The following FAM174A variants were observed in gnomAD, a reference collection of about 807,000 sequenced individuals.
FAM174A encodes the protein membrane protein FAM174A.
FAM174A carries 14 observed loss-of-function variants against 14.3 expected under a neutral mutation model. That is an observed-to-expected ratio of 0.98 (90% CI 0.65 to 1.53). The LOEUF (loss-of-function observed/expected upper bound fraction) is 1.53. Ranked by LOEUF, FAM174A falls within the 40% of genes most tolerant of loss-of-function variation. The pLI, the probability that FAM174A is intolerant of heterozygous loss-of-function variation, is 0.00. For missense variants in FAM174A, 241 were observed against 249.6 expected, an observed-to-expected ratio of 0.97 and a Z score of 0.23; for synonymous variants, 108 against 111.4, an observed-to-expected ratio of 0.97 and a Z score of 0.19.
At chr5:100,564,230 GTCTT>G (rs1330039084) in intron 2 of FAM174A, among the ~76,000 whole-genome samples, 1 of 151,744 alleles carries the variant, frequency 6.6e-6, no homozygotes, top group East Asian at 1.9e-4. Flanking sequence ...TCTCAGGTAT[GTCTT>G]TATAGCAATG....
intron 1 of FAM174A, among the ~76,000 whole-genome samples, chr5:100,555,381 A>G (rs761534446): frequency 6.6e-6 from 1 of 152,192 alleles, no homozygotes; most frequent in African/African-American, 2.4e-5. Flanking sequence ...TAGTGTCGCA[A>G]TAAACATACG....
chr5:100,571,864 C>A (rs910687402), intron 2 of FAM174A, among the ~76,000 whole-genome samples: 1 of 151,718 alleles, frequency 6.6e-6, no homozygotes, highest in Non-Finnish European at 1.5e-5. Context: ...ATTTTTACAG[C>A]AAAGTCTCTG....
chr5:100,538,553 C>T (rs1429935552), intron 1 of FAM174A, among the ~76,000 whole-genome samples: 1 of 151,718 alleles, frequency 6.6e-6, no homozygotes, highest in Non-Finnish European at 1.5e-5. Context: ...GCAAGGAACA[C>T]GGTAGGGACA....
intron 2 of FAM174A, among the ~76,000 whole-genome samples, chr5:100,579,474 G>T (rs1042577912): frequency 2.0e-5 from 3 of 151,918 alleles, no homozygotes; most frequent in Admixed American, 2.0e-4. Flanking sequence ...ACCCAGGCTG[G>T]AGTGCGATGG....
chr5:100,545,965 G>T (rs1263117186), intron 1 of FAM174A, among the ~76,000 whole-genome samples: 2 of 152,110 alleles, frequency 1.3e-5, no homozygotes, highest in Non-Finnish European at 2.9e-5. Flanking sequence ...TTTGATAAGT[G>T]TTATTTCAGC....
chr5:100,572,767 A>G (rs1191817756), intron 2 of FAM174A, among the ~76,000 whole-genome samples: 2 of 152,202 alleles, frequency 1.3e-5, no homozygotes, highest in Non-Finnish European at 2.9e-5. Context: ...GTATATACCC[A>G]GTAATGGGAT....
intron 1 of FAM174A, among the ~76,000 whole-genome samples, chr5:100,537,492 A>G (rs1745964564): frequency 1.3e-5 from 2 of 152,198 alleles, no homozygotes; most frequent in African/African-American, 2.4e-5. Context: ...TGATATGTGT[A>G]ATTCACATAA....
At chr5:100,570,996 C>A (rs1457210129) in intron 2 of FAM174A, among the ~76,000 whole-genome samples, 1 of 151,614 alleles carries the variant, frequency 6.6e-6, no homozygotes, top group Non-Finnish European at 1.5e-5. Context: ...TTAATTGATT[C>A]TTGAATGTTA....
At chr5:100,576,578 A>G (rs926236878) in intron 2 of FAM174A, among the ~76,000 whole-genome samples, 1 of 152,152 alleles carries the variant, frequency 6.6e-6, no homozygotes, top group Admixed American at 6.6e-5. Flanking sequence ...TCATAAACTA[A>G]GACATGGGGA....
At chr5:100,581,370 G>A (rs1747012398) in intron 2 of FAM174A, 2 of 985,294 alleles carry the variant, frequency 2.0e-6, no homozygotes, top group Middle Eastern at 5.2e-4. Context: ...TCCTGAGAAA[G>A]AGCAACTGAG....
intron 2 of FAM174A, among the ~76,000 whole-genome samples, chr5:100,574,110 C>T (rs1396277060): frequency 1.3e-5 from 2 of 152,156 alleles, no homozygotes; most frequent in African/African-American, 4.8e-5. Flanking sequence ...TATATGTGAG[C>T]ACAATGTACC....
At chr5:100,579,847 T>C (rs1278685927) in intron 2 of FAM174A, among the ~76,000 whole-genome samples, 1 of 152,224 alleles carries the variant, frequency 6.6e-6, no homozygotes, top group Non-Finnish European at 1.5e-5. Flanking sequence ...TGTATAATAG[T>C]TTCTCAAAAC....
intron 1 of FAM174A, among the ~76,000 whole-genome samples, chr5:100,542,072 G>T (rs146424993): frequency 6.6e-6 from 1 of 152,236 alleles, no homozygotes; most frequent in East Asian, 1.9e-4. Flanking sequence ...AATACAACGA[G>T]ATGCATTGAA....
In FAM174A at chr5:100,535,800, G is replaced by A; in HGVS notation, c.270G>A (p.Gly90=). ...EGGNGSNPVA[G]LETDDHGGKA... ...GCAATGGCAGCAACCCTGTGGCCGGGCTTGAGACGGACGATCACGGAGGGA... is the reference window on the plus strand; with the variant it reads ...GCAATGGCAGCAACCCTGTGGCCGGACTTGAGACGGACGATCACGGAGGGA... The change falls in exon 1 of 3, where the codon GGG becomes GGA. Residue 90 remains glycine, a synonymous_variant. Transcript: ENST00000312637. 9 of 1,608,892 alleles carry A rather than the reference G, an allele frequency of 5.6e-6. No homozygotes were observed. Among genetic ancestry groups the A allele is most frequent in the Non-Finnish European group, 7.6e-6 (9 of 1,179,510 alleles).
intron 2 of FAM174A, among the ~76,000 whole-genome samples, chr5:100,573,618 A>T (rs1374438241): frequency 3.3e-5 from 5 of 151,400 alleles, no homozygotes; most frequent in African/African-American, 1.2e-4. Context: ...CAAGGGTAGG[A>T]AGAATCAATA....
chr5:100,542,534 GT>G lies in FAM174A; in HGVS notation c.434+6573del, dbSNP rs557914907. Among the ~76,000 whole-genome samples the G allele has an allele frequency of 2.6e-3, 395 of 152,190 alleles. 3 individuals are homozygous for G. The highest frequency in any genetic ancestry group is 9.2e-3 in the African/African-American group (384 of 41,532). On this transcript the variant is annotated intron_variant, in intron 1 of 2. Coordinates refer to ENST00000312637, the MANE Select transcript of FAM174A (RefSeq NM_198507.3). ...CACATCACTAGATTATTGTGCTATT[GT>G]TTCTAACTTTTCTCCACTTCACCTG...
At chr5:100,543,244 AGTAG>A (rs1286614475) in intron 1 of FAM174A, among the ~76,000 whole-genome samples, 1 of 151,932 alleles carries the variant, frequency 6.6e-6, no homozygotes, top group Non-Finnish European at 1.5e-5. Context: ...CAGCCTCCCA[AGTAG>A]GTGGGACTAC....
At chr5:100,569,719 A>G (rs950340585) in intron 2 of FAM174A, among the ~76,000 whole-genome samples, 10 of 151,910 alleles carry the variant, frequency 6.6e-5, no homozygotes, top group Non-Finnish European at 1.5e-4. Context: ...CTGATTAACT[A>G]CCATGTGCCC....
chr5:100,566,139 A>ATGAT (rs1488515497), intron 2 of FAM174A, among the ~76,000 whole-genome samples: 2 of 15,426 alleles, frequency 1.3e-4, no homozygotes, highest in Non-Finnish European at 2.9e-4. Context: ...TTTGAAAAGT[A>ATGAT]TGATATATAT....
Sources: gnomAD v4.1 joint callset for allele counts (sites outside exome capture counted in the v4.1 genomes callset) on GRCh38, gnomAD v4.1.1 for gene constraint, MANE v1.5 for transcripts, NCBI Gene and HGNC (gene_info 2026-07-23, HGNC 2026-07-21) for gene names.